The following SLC2A9 variants were observed in gnomAD, a reference collection of about 807,000 sequenced individuals.
SLC2A9 encodes solute carrier family 2, facilitated glucose transporter member 9.
Under a neutral mutation model 50.6 loss-of-function variants are expected in SLC2A9, and 39 were observed. That is an observed-to-expected ratio of 0.77 (90% CI 0.60 to 1.01). SLC2A9 has a LOEUF of 1.01. SLC2A9 is among the 50% of genes least tolerant of loss of function. The probability of loss-of-function intolerance (pLI) is 0.00; values close to 1 mark genes in which losing one functional copy is unlikely to be tolerated. For synonymous variants in SLC2A9, 324 were observed against 276.9 expected, an observed-to-expected ratio of 1.17 and a Z score of -1.69; for missense variants, 686 against 677.6, an observed-to-expected ratio of 1.01 and a Z score of -0.14.
intron 6 of SLC2A9, among the ~76,000 whole-genome samples, chr4:9,937,661 G>C (rs139913142): frequency 2.0e-5 from 3 of 152,252 alleles, no homozygotes; most frequent in Admixed American, 2.0e-4. Flanking sequence ...GGCAAGCATG[G>C]AACGTTACAC....
chr4:9,800,127 G>A (rs973472139), intron 3 of SLC2A9, among the ~76,000 whole-genome samples: 1 of 152,102 alleles, frequency 6.6e-6, no homozygotes, highest in Non-Finnish European at 1.5e-5. Flanking sequence ...TTTCTCCCAG[G>A]AAAGGGCCTG....
At chr4:9,994,727 T>C (rs780015844) in intron 3 of SLC2A9, among the ~76,000 whole-genome samples, 3 of 152,080 alleles carry the variant, frequency 2.0e-5, no homozygotes, top group Non-Finnish European at 2.9e-5. Flanking sequence ...AGCCACGGCA[T>C]TCTGACCCGA....
At chr4:9,972,613 G>A (rs1464135668) in intron 5 of SLC2A9, among the ~76,000 whole-genome samples, 1 of 152,064 alleles carries the variant, frequency 6.6e-6, no homozygotes, top group African/African-American at 2.4e-5. Flanking sequence ...GACCACAGTG[G>A]ACTAAAATTA....
At position 9,890,680 on chromosome 4, in the gene SLC2A9, G is replaced by A. The variant is rs757565343; in HGVS notation, c.1145C>T (p.Pro382Leu). The A allele has an allele frequency of 1.9e-6, 3 of 1,613,980 alleles. No individual in the cohort carries two copies. The highest frequency in any genetic ancestry group is 1.7e-5 in the Admixed American group (1 of 59,996). Residue 382 changes from proline to leucine, a missense_variant, in exon 9 of 12, where the codon CCC becomes CTC. Coordinates refer to ENST00000264784, the MANE Select transcript of SLC2A9 (RefSeq NM_020041.3). The part of the protein sequence containing the change: ...GLVIEHLGRR[P>L]LLIGGFGLMG... ...GAGCCCAAAGCCACCAATGAGGAGG[G>A]GTCTCCGTCCCAGGTGCTCAATGAC...
At chr4:9,873,819 C>T (rs1017836676) in intron 10 of SLC2A9, among the ~76,000 whole-genome samples, 10 of 152,168 alleles carry the variant, frequency 6.6e-5, no homozygotes, top group Non-Finnish European at 1.0e-4. Context: ...TGAGGCTTGG[C>T]GGTTATTTGT....
intron 3 of SLC2A9, among the ~76,000 whole-genome samples, chr4:9,793,467 T>C (rs1269927654): frequency 2.0e-5 from 3 of 152,254 alleles, no homozygotes; most frequent in Non-Finnish European, 2.9e-5. Flanking sequence ...TGCCCTATTC[T>C]TCTTTCCACA....
chr4:9,807,137 T>C (rs1229104097), intron 3 of SLC2A9, among the ~76,000 whole-genome samples: 1 of 152,156 alleles, frequency 6.6e-6, no homozygotes, highest in Non-Finnish European at 1.5e-5. Flanking sequence ...GCCGTGACTA[T>C]GGAAAAGAGG....
At position 10,008,900 on chromosome 4, in the gene SLC2A9, G is replaced by GTT. The variant is rs1553911923; in HGVS notation, c.249+10073_249+10074dup. Among the ~76,000 whole-genome samples the GTT allele has an allele frequency of 3.8e-3, 518 of 134,800 alleles. 10 individuals carry two copies. The highest frequency in any genetic ancestry group is 0.023 in the Middle Eastern group (6 of 262). 88.4% of individuals were successfully genotyped at this position (134,800 alleles called of 152,430 possible). On this transcript the variant is annotated intron_variant, in intron 2 of 11. Transcript: ENST00000264784. The stretch of plus-strand genomic sequence containing the variant: ...TTCATTATCAAATTTCTGTGCGGTG[G>GTT]TTTTTTTTTTTTTTTTTCCTAATGG...
At chr4:10,036,230 T>C (rs1764101671) in intron 1 of SLC2A9, 1 of 152,344 alleles carries the variant, frequency 6.6e-6, no homozygotes, top group Admixed American at 6.5e-5. Flanking sequence ...TCCACCCCTT[T>C]GGGCTTCGGT....
intron 4 of SLC2A9, among the ~76,000 whole-genome samples, chr4:9,984,342 A>G (rs533483152): frequency 1.3e-5 from 2 of 152,198 alleles, no homozygotes; most frequent in Non-Finnish European, 2.9e-5. Context: ...AGCTTTTAAG[A>G]CATCGACAAG....
intron 1 of SLC2A9, among the ~76,000 whole-genome samples, chr4:10,027,423 C>T (rs898933346): frequency 2.0e-5 from 3 of 152,158 alleles, no homozygotes; most frequent in African/African-American, 4.8e-5. Flanking sequence ...TACAGCAAAA[C>T]GATCCCAAAG....
At chr4:9,880,012 C>T in intron 10 of SLC2A9, 1 of 985,440 alleles carries the variant, frequency 1.0e-6, no homozygotes, top group Non-Finnish European at 1.2e-6. Flanking sequence ...CTGGCCCTCT[C>T]CTGGGAGATC....
intron 3 of SLC2A9, chr4:9,995,951 A>C (rs938254782): frequency 1.3e-5 from 2 of 152,408 alleles, no homozygotes; most frequent in Non-Finnish European, 2.9e-5. Context: ...CTTTCCACAC[A>C]CTGCTCACTG....
intron 6 of SLC2A9, among the ~76,000 whole-genome samples, chr4:9,938,273 T>TC (rs915095308): frequency 6.9e-6 from 1 of 145,548 alleles, no homozygotes; most frequent in African/African-American, 2.6e-5. Context: ...TTTTGCTATT[T>TC]TTTTTTTTTT....
chr4:9,782,199 G>A lies in SLC2A9; in HGVS notation n.386-2134C>T, dbSNP rs776463741. The stretch of plus-strand genomic sequence containing the variant: ...CTACTCATCATCTGGACCCTGCTGG[G>A]CAACGTGCTGGTGTGCGCAGCCATC... On this transcript the variant is annotated intron_variant and non_coding_transcript_variant, in intron 3 of 3. Transcript: ENST00000503803. 22 of 1,609,592 alleles carry A rather than the reference G, an allele frequency of 1.4e-5. No homozygotes were observed. In the African/African-American group the frequency reaches 2.8e-4, roughly 21 times the overall value.
chr4:9,986,405 A>T (rs963098498), intron 3 of SLC2A9, among the ~76,000 whole-genome samples: 1 of 152,224 alleles, frequency 6.6e-6, no homozygotes, highest in Admixed American at 6.5e-5. Flanking sequence ...GACTGGCAGG[A>T]AACTCAGACA....
chr4:9,962,849 C>T (rs1046586037), intron 5 of SLC2A9, among the ~76,000 whole-genome samples: 1 of 152,194 alleles, frequency 6.6e-6, no homozygotes, highest in African/African-American at 2.4e-5. Context: ...CTCTGGCACT[C>T]TTATTAAATC....
intron 3 of SLC2A9, among the ~76,000 whole-genome samples, chr4:9,996,485 T>TGGGAGGA (rs1350883409): frequency 6.6e-6 from 1 of 151,964 alleles, no homozygotes; most frequent in Non-Finnish European, 1.5e-5. Flanking sequence ...GGATGGAGGG[T>TGGGAGGA]GGGAGGAGGG....
intron 3 of SLC2A9, among the ~76,000 whole-genome samples, chr4:9,995,309 G>A (rs1358145114): frequency 2.0e-5 from 3 of 152,184 alleles, no homozygotes; most frequent in African/African-American, 7.2e-5. Context: ...CTGAAAGTGG[G>A]CTTGGGGACA....
Sources: gnomAD v4.1 joint callset for allele counts (sites outside exome capture counted in the v4.1 genomes callset) on GRCh38, gnomAD v4.1.1 for gene constraint, MANE v1.5 for transcripts, NCBI Gene and HGNC (gene_info 2026-07-23, HGNC 2026-07-21) for gene names.